The following ZNF385D variants were observed in gnomAD, a reference collection of about 807,000 sequenced individuals.
ZNF385D encodes zinc finger protein 385D, also known as zinc finger protein 659.
In ZNF385D, 15 loss-of-function variants were observed where a neutral mutation model predicts 35.8. The observed-to-expected ratio is 0.42, with a 90% CI of 0.28 to 0.64. ZNF385D has a LOEUF of 0.64. Ranked by LOEUF, ZNF385D falls within the 30% of genes least tolerant of loss-of-function variation. The pLI, the probability that ZNF385D is intolerant of heterozygous loss-of-function variation, is 0.23. For missense variants in ZNF385D, 474 were observed against 494.6 expected (o/e 0.96, Z 0.39); for synonymous variants, 212 against 186.8 (o/e 1.13, Z -1.10).
At chr3:21,950,635 A>C (rs1012087547) in intron 3 of ZNF385D, among the ~76,000 whole-genome samples, 2 of 151,514 alleles carry the variant, frequency 1.3e-5, no homozygotes, top group African/African-American at 2.4e-5. Context: ...CCCATGTCCT[A>C]AATGGTATTG....
At chr3:22,161,116 T>G (rs958255449) in intron 3 of ZNF385D, among the ~76,000 whole-genome samples, 1 of 152,018 alleles carries the variant, frequency 6.6e-6, no homozygotes, top group Admixed American at 6.6e-5. Flanking sequence ...TATCACATAA[T>G]TAGAAAACAA....
intron 3 of ZNF385D, among the ~76,000 whole-genome samples, chr3:21,785,962 C>T (rs545646398): frequency 1.4e-4 from 22 of 151,884 alleles, no homozygotes; most frequent in African/African-American, 4.6e-4. Flanking sequence ...TGTGAGAAAG[C>T]GAGAAACAAA....
intron 3 of ZNF385D, among the ~76,000 whole-genome samples, chr3:21,996,443 T>C (rs1335125001): frequency 1.3e-5 from 2 of 152,208 alleles, no homozygotes; most frequent in African/African-American, 4.8e-5. Flanking sequence ...CTCTCTCAGA[T>C]GATCTATCCA....
chr3:21,757,120 CTTTTT>C (rs61226426), intron 3 of ZNF385D, among the ~76,000 whole-genome samples: 28 of 106,418 alleles, frequency 2.6e-4, no homozygotes, highest in African/African-American at 6.4e-4. Flanking sequence ...ATAAATTTCT[CTTTTT>C]TTTTTTTTTT....
chr3:21,634,766 G>C (rs1181183551), intron 2 of ZNF385D, among the ~76,000 whole-genome samples: 1 of 150,750 alleles, frequency 6.6e-6, no homozygotes, highest in East Asian at 1.9e-4. Context: ...AAATAAGTCA[G>C]TGTCCTTAAA....
intron 3 of ZNF385D, among the ~76,000 whole-genome samples, chr3:22,061,116 TAATTAAATTA>T (rs199499447): frequency 6.6e-6 from 1 of 152,104 alleles, no homozygotes; most frequent in African/African-American, 2.4e-5. Context: ...ATCACCTGAT[TAATTAAATTA>T]AATTAAATTA....
intron 3 of ZNF385D, among the ~76,000 whole-genome samples, chr3:22,127,317 C>CCTTT (rs1703492425): frequency 1.8e-5 from 1 of 56,308 alleles, no homozygotes; most frequent in African/African-American, 7.9e-5. Flanking sequence ...TCATTTCCTG[C>CCTTT]TTTTTTTTTT....
chr3:21,784,377 C>G (rs919030993), intron 3 of ZNF385D, among the ~76,000 whole-genome samples: 1 of 151,894 alleles, frequency 6.6e-6, no homozygotes, highest in Non-Finnish European at 1.5e-5. Context: ...TTTTTGGCAC[C>G]AAGAATTTCT....
At chr3:21,483,379 C>G (rs765045430) in intron 4 of ZNF385D, among the ~76,000 whole-genome samples, 12 of 152,288 alleles carry the variant, frequency 7.9e-5, no homozygotes, top group African/African-American at 2.6e-4. Context: ...TGTTAATCCA[C>G]TTGCCCAATG....
chr3:22,061,569 C>A (rs1370254159), intron 3 of ZNF385D, among the ~76,000 whole-genome samples: 1 of 152,186 alleles, frequency 6.6e-6, no homozygotes, highest in Non-Finnish European at 1.5e-5. Context: ...TTCCTATGGT[C>A]TCCAAGACTC....
chr3:21,643,488 A>G (rs1276653692), intron 2 of ZNF385D, among the ~76,000 whole-genome samples: 2 of 152,148 alleles, frequency 1.3e-5, no homozygotes. Context: ...TGTGTTCACC[A>G]TAGTTCAAAA....
chr3:21,686,424 G>A (rs1412884955), intron 1 of ZNF385D, among the ~76,000 whole-genome samples: 3 of 152,156 alleles, frequency 2.0e-5, no homozygotes, highest in Non-Finnish European at 4.4e-5. Flanking sequence ...AAGCATCAGT[G>A]TATAGAGCAA....
chr3:21,493,016 A>G (rs1420838176), intron 4 of ZNF385D, among the ~76,000 whole-genome samples: 1 of 152,106 alleles, frequency 6.6e-6, no homozygotes, highest in Non-Finnish European at 1.5e-5. Context: ...ATACAAAGGC[A>G]TATAATCTGG....
intron 4 of ZNF385D, among the ~76,000 whole-genome samples, chr3:21,508,894 T>G (rs957541826): frequency 6.6e-6 from 1 of 152,118 alleles, no homozygotes; most frequent in Admixed American, 6.5e-5. Context: ...GGTTGACGTA[T>G]TCTAGTCTCT....
At chr3:21,649,567 G>A (rs2065853626) in intron 2 of ZNF385D, among the ~76,000 whole-genome samples, 1 of 152,070 alleles carries the variant, frequency 6.6e-6, no homozygotes, top group South Asian at 2.1e-4. Context: ...AAGAAATCCT[G>A]GCAAAGCAAC....
intron 2 of ZNF385D, among the ~76,000 whole-genome samples, chr3:22,360,672 T>C (rs1313490582): frequency 6.6e-6 from 1 of 152,020 alleles, no homozygotes; most frequent in African/African-American, 2.4e-5. Flanking sequence ...AGTCCTCATA[T>C]GCCCTATTCA....
At chr3:22,174,195 C>T (rs1694663348) in intron 2 of ZNF385D, among the ~76,000 whole-genome samples, 1 of 151,980 alleles carries the variant, frequency 6.6e-6, no homozygotes, top group African/African-American at 2.4e-5. Flanking sequence ...ACAACCAAAC[C>T]CAATTTTAAT....
At chr3:21,850,856 G>C (rs866631873) in intron 3 of ZNF385D, among the ~76,000 whole-genome samples, 2 of 151,982 alleles carry the variant, frequency 1.3e-5, no homozygotes, top group Non-Finnish European at 2.9e-5. Context: ...TTACAGAACA[G>C]ATCCACAACT....
intron 3 of ZNF385D, among the ~76,000 whole-genome samples, chr3:22,015,317 T>A (rs1328258030): frequency 1.3e-5 from 2 of 152,178 alleles, no homozygotes; most frequent in East Asian, 1.9e-4. Flanking sequence ...CATTGCACTA[T>A]GATTTTCAGT....
Sources: allele counts gnomAD v4.1 joint callset (sites outside exome capture counted in the v4.1 genomes callset), GRCh38; gene constraint gnomAD v4.1.1; transcripts MANE v1.5; gene names NCBI Gene and HGNC (gene_info 2026-07-23, HGNC 2026-07-21).